The following ATP11C variants were observed in gnomAD, a reference collection of about 807,000 sequenced individuals.
ATP11C encodes ATPase phospholipid transporting 11C (ATP11C blood group).
A neutral mutation model predicts 97.4 loss-of-function variants in ATP11C; 36 were observed. That is an observed-to-expected ratio of 0.37 (90% CI 0.28 to 0.49). ATP11C has a LOEUF of 0.49. ATP11C is among the 20% of genes least tolerant of loss of function. The pLI is 0.98. For missense variants in ATP11C, 730 were observed against 824.6 expected, an observed-to-expected ratio of 0.89 and a Z score of 1.40; for synonymous variants, 275 against 290.9, an observed-to-expected ratio of 0.95 and a Z score of 0.56.
chrX:139,760,424 T>G (rs1240941508), intron 22 of ATP11C, among the ~76,000 whole-genome samples: 1 of 111,819 alleles, frequency 8.9e-6, no homozygotes, highest in Non-Finnish European at 1.9e-5. Flanking sequence ...TGTATTTTCT[T>G]TAAATATAAA....
chrX:139,803,683 A>ATTTTTT (rs2082976226), intron 6 of ATP11C, among the ~76,000 whole-genome samples: 1 of 59,782 alleles, frequency 1.7e-5, no homozygotes, highest in African/African-American at 7.0e-5. Context: ...ACTACACCCT[A>ATTTTTT]TCTTTTTTTT....
chrX:139,760,357 T>C (rs1470379302), intron 22 of ATP11C, among the ~76,000 whole-genome samples: 1 of 112,059 alleles, frequency 8.9e-6, no homozygotes, highest in Non-Finnish European at 1.9e-5. Flanking sequence ...TACCAGCAGA[T>C]ACTGGCTACC....
At chrX:139,742,834 ATTTT>A (rs1259056469) in intron 26 of ATP11C, among the ~76,000 whole-genome samples, 10 of 88,904 alleles carry the variant, frequency 1.1e-4, no homozygotes, top group Non-Finnish European at 2.0e-4. Context: ...CATTTTATAT[ATTTT>A]TATTTTTTTA....
At chrX:139,859,435 A>G in intron 1 of ATP11C, among the ~76,000 whole-genome samples, 1 of 112,322 alleles carries the variant, frequency 8.9e-6, no homozygotes, top group Non-Finnish European at 1.9e-5. Flanking sequence ...ATGTATTGAA[A>G]TATCACTCTA....
At chrX:139,833,191 A>AG (rs2083686227) in intron 1 of ATP11C, among the ~76,000 whole-genome samples, 1 of 112,266 alleles carries the variant, frequency 8.9e-6, no homozygotes, top group African/African-American at 3.2e-5. Context: ...AGCAAAACCA[A>AG]TGAATGCATT....
chrX:139,832,067 G>A (rs1230870980), intron 1 of ATP11C: 2 of 954,787 alleles, frequency 2.1e-6, no homozygotes, highest in East Asian at 3.4e-5. Flanking sequence ...AAATATACAT[G>A]CAAATAAAAA....
chrX:139,912,360 G>A (rs747681845), intron 1 of ATP11C, among the ~76,000 whole-genome samples: 1 of 110,705 alleles, frequency 9.0e-6, no homozygotes, highest in African/African-American at 3.3e-5. Context: ...GGGAAGGCAA[G>A]GAGAGGAGAT....
chrX:139,740,936 A>T, intron 27 of ATP11C, 55 bp downstream of exon 27: 1 of 748,715 alleles, frequency 1.3e-6, no homozygotes, highest in Non-Finnish European at 2.1e-6. Context: ...TAGTGTACAT[A>T]CACATGTATC....
intron 1 of ATP11C, among the ~76,000 whole-genome samples, chrX:139,867,545 C>T (rs193280743): frequency 4.8e-4 from 54 of 111,778 alleles, no homozygotes; most frequent in African/African-American, 1.7e-3. Context: ...TCATTATAAC[C>T]CAGTGTGGTG....
intron 1 of ATP11C, among the ~76,000 whole-genome samples, chrX:139,840,317 T>C (rs959881821): frequency 1.3e-4 from 15 of 112,529 alleles, no homozygotes; most frequent in Non-Finnish European, 9.4e-5. Flanking sequence ...TATAGTCTAC[T>C]ACGACACTTT....
chrX:139,874,399 T>A (rs192039145), intron 1 of ATP11C, among the ~76,000 whole-genome samples: 6 of 109,875 alleles, frequency 5.5e-5, no homozygotes, highest in African/African-American at 2.0e-4. Context: ...ATAATACCTG[T>A]ACAGTGCACA....
At chrX:139,831,977 G>T (rs772704405) in intron 1 of ATP11C, among the ~76,000 whole-genome samples, 1 of 111,763 alleles carries the variant, frequency 8.9e-6, no homozygotes, top group East Asian at 2.8e-4. Flanking sequence ...TAAATAAGGA[G>T]ATTCTTAACT....
chrX:139,834,756 A>G (rs1359078443), intron 1 of ATP11C, among the ~76,000 whole-genome samples: 7 of 112,027 alleles, frequency 6.2e-5, no homozygotes, highest in African/African-American at 2.3e-4. Context: ...ACCACACTCA[A>G]TGTTCCCCAG....
chrX:139,732,810 T>C (rs1471308919), intron 28 of ATP11C, among the ~76,000 whole-genome samples: 1 of 111,271 alleles, frequency 9.0e-6, no homozygotes, highest in Non-Finnish European at 1.9e-5. Flanking sequence ...TTAAATAAAA[T>C]AGCTTTAAAA....
intron 1 of ATP11C, among the ~76,000 whole-genome samples, chrX:139,893,108 G>A (rs1322409379): frequency 8.9e-6 from 1 of 112,081 alleles, no homozygotes; most frequent in East Asian, 2.8e-4. Context: ...GGGCAATCTC[G>A]GCTCACTGCA....
chrX:139,752,486 G>C (rs949113074), intron 23 of ATP11C, among the ~76,000 whole-genome samples: 9 of 111,767 alleles, frequency 8.1e-5, no homozygotes, highest in Non-Finnish European at 1.5e-4. Context: ...GGTAATCTAA[G>C]AAGACTGAAG....
intron 1 of ATP11C, among the ~76,000 whole-genome samples, chrX:139,862,810 G>A (rs919291467): frequency 1.8e-5 from 2 of 111,742 alleles, no homozygotes; most frequent in East Asian, 5.6e-4. Context: ...CACTGGAAAA[G>A]TGAACCACTA....
At chrX:139,890,419 C>A in intron 1 of ATP11C, among the ~76,000 whole-genome samples, 1 of 111,001 alleles carries the variant, frequency 9.0e-6, no homozygotes. Context: ...GTGGTTCCAG[C>A]TACTTGGGAG....
chrX:139,820,527 C>G (rs1409856009), intron 2 of ATP11C, among the ~76,000 whole-genome samples: 1 of 111,558 alleles, frequency 9.0e-6, no homozygotes, highest in Non-Finnish European at 1.9e-5. Context: ...ATGAGTCACT[C>G]TGTCCCTATG....
Sources: allele counts gnomAD v4.1 joint callset (sites outside exome capture counted in the v4.1 genomes callset), GRCh38; gene constraint gnomAD v4.1.1; transcripts MANE v1.5; gene names NCBI Gene and HGNC (gene_info 2026-07-23, HGNC 2026-07-21).